Variants in LAMC3 observed in about 807,000 individuals in gnomAD.
LAMC3 encodes the protein laminin subunit gamma-3.
LAMC3 carries 128 observed loss-of-function variants against 173.8 expected under a neutral mutation model. The ratio of observed to expected loss-of-function variants is 0.74; its 90% CI spans 0.64 to 0.85. LAMC3 has a LOEUF of 0.85. Among genes scored for constraint, LAMC3 ranks in the 40% least tolerant of loss-of-function variants. The pLI, the probability that LAMC3 is intolerant of heterozygous loss-of-function variation, is 0.00. For synonymous variants in LAMC3, 897 were observed against 909.1 expected (o/e 0.99, Z 0.24); for missense variants, 2,022 against 2,156.0 (o/e 0.94, Z 1.23).
chr9:131,043,362 G>C (rs567776028), intron 7 of LAMC3, among the ~76,000 whole-genome samples: 3 of 152,312 alleles, frequency 2.0e-5, no homozygotes, highest in Non-Finnish European at 2.9e-5. Context: ...AGAGCTGCTT[G>C]GAGAAGTGGC....
At chr9:131,047,294 A>T (rs923240510) in intron 8 of LAMC3, among the ~76,000 whole-genome samples, 21 of 144,600 alleles carry the variant, frequency 1.5e-4, no homozygotes, top group African/African-American at 4.9e-4. Context: ...CCTCCTGTGT[A>T]GCTGGGACTG....
intron 17 of LAMC3, among the ~76,000 whole-genome samples, chr9:131,070,580 G>A (rs552659684): frequency 7.9e-5 from 12 of 152,044 alleles, no homozygotes; most frequent in African/African-American, 2.4e-4. Flanking sequence ...GTGGGGTGGC[G>A]CGCACCTGTA....
At position 131,091,536 on chromosome 9, in the gene LAMC3, G is replaced by C; in HGVS notation, c.4478-1G>C. On this transcript the variant is annotated splice_acceptor_variant, in intron 27 of 27. Transcript: ENST00000361069. LOFTEE classifies it high-confidence loss of function. ...GTGAGGCTGTTTGTGCCCCACCACA[G>C]GGTCGCTGGACACCCATCAAGCCCC... 1 of 1,577,852 alleles carries C rather than the reference G, an allele frequency of 6.3e-7. No individual in the cohort carries two copies. Among genetic ancestry groups the C allele is most frequent in the Non-Finnish European group, 8.6e-7 (1 of 1,162,768 alleles).
intron 1 of LAMC3, chr9:131,021,067 T>C (rs1175318904): frequency 1.3e-5 from 2 of 152,228 alleles, no homozygotes; most frequent in African/African-American, 4.8e-5. Flanking sequence ...CCAACACTTC[T>C]CGTGTAAACT....
In LAMC3 at chr9:131,033,358, A is replaced by G. The variant is rs573303082; in HGVS notation, c.809+1183A>G. ...GATCAGATTGCTCCCCAGTGAACAC[A>G]TCAGCCCGCTCCAGGATGACAAGGA... On this transcript the variant is annotated intron_variant, in intron 3 of 27. Coordinates refer to ENST00000361069, the MANE Select transcript of LAMC3 (RefSeq NM_006059.4). Among the ~76,000 whole-genome samples the G allele has an allele frequency of 2.9e-3, 448 of 152,310 alleles. 2 individuals carry two copies. The highest frequency in any genetic ancestry group is 5.5e-3 in the Non-Finnish European group (373 of 68,016).
intron 3 of LAMC3, among the ~76,000 whole-genome samples, chr9:131,032,560 C>CTCTCTCTTGCTCTCTCTCGCTT (rs1833853011): frequency 7.6e-6 from 1 of 132,140 alleles, no homozygotes; most frequent in Non-Finnish European, 1.5e-5. Flanking sequence ...CTCTCTCGCT[C>CTCTCTCTTGCTCTCTCTCGCTT]TCTCTCTTGC....
At chr9:131,015,802 C>T (rs1305223714) in intron 1 of LAMC3, among the ~76,000 whole-genome samples, 2 of 152,168 alleles carry the variant, frequency 1.3e-5, no homozygotes, top group Non-Finnish European at 2.9e-5. Context: ...ATTACAGGTT[C>T]CTGCCACCAC....
intron 1 of LAMC3, among the ~76,000 whole-genome samples, chr9:131,025,145 G>A (rs1036764333): frequency 2.0e-5 from 3 of 152,096 alleles, no homozygotes; most frequent in East Asian, 3.8e-4. Flanking sequence ...CAGTTCTCCC[G>A]CGCCCGCACC....
At chr9:131,083,593 G>A (rs1830278522) in intron 24 of LAMC3, among the ~76,000 whole-genome samples, 1 of 152,138 alleles carries the variant, frequency 6.6e-6, no homozygotes, top group South Asian at 2.1e-4. Context: ...GTCTTACAGA[G>A]AACGCTTGAG....
chr9:131,052,582 G>A lies in LAMC3; in HGVS notation c.1722G>A (p.Gln574=). Residue 574 remains glutamine, a synonymous_variant, in exon 10 of 28, where the codon CAG becomes CAA. Transcript: ENST00000361069. ...VPPGDSPLPV[Q]LRLEGTGLAL... is the part of the protein sequence containing the mutation. ...CCGGGGACTCCCCACTCCCTGTACA[G>A]CTGAGGCTGGAAGGGACAGGCTTGG... The A allele has an allele frequency of 6.2e-7, 1 of 1,614,042 alleles. No individual in the cohort carries two copies. The highest frequency in any genetic ancestry group is 8.5e-7 in the Non-Finnish European group (1 of 1,179,910).
chr9:131,089,525 G>A (rs1023899436), intron 27 of LAMC3, among the ~76,000 whole-genome samples: 3 of 147,562 alleles, frequency 2.0e-5, no homozygotes, highest in African/African-American at 7.6e-5. Flanking sequence ...CCACAGGCAC[G>A]CACCACCACA....
At chr9:131,046,294 C>A (rs1426050923) in intron 8 of LAMC3, among the ~76,000 whole-genome samples, 1 of 148,304 alleles carries the variant, frequency 6.7e-6, no homozygotes, top group African/African-American at 2.5e-5. Context: ...CACCACCTCC[C>A]TGGGCTCACG....
chr9:131,071,397 G>T lies in LAMC3; in HGVS notation c.3070-87G>T, dbSNP rs1020139879. The T allele has an allele frequency of 7.4e-6, 11 of 1,488,378 alleles. No individual in the cohort carries two copies. The Admixed American group carries it at 1.9e-4, about 25-fold the overall frequency. The allele number at this position is 1,488,378 out of a possible 1,614,324, so 92.2% of individuals were successfully genotyped here. A position where few individuals can be genotyped will look rare whatever the true frequency, so the allele number is the denominator to read the frequency against. ...ATTTGGAGAAGGGAACCCCCAGGGA[G>T]AGTGGCAGGGTAGAAGCCAGCGGGA... On this transcript the variant is annotated intron_variant, in intron 17 of 27. Transcript: ENST00000361069.
chr9:131,015,177 G>T (rs1833497787), intron 1 of LAMC3, among the ~76,000 whole-genome samples: 1 of 152,236 alleles, frequency 6.6e-6, no homozygotes, highest in Non-Finnish European at 1.5e-5. Context: ...GCCAGGAATT[G>T]GTGGGGCTGG....
intron 13 of LAMC3, among the ~76,000 whole-genome samples, chr9:131,062,309 C>A (rs1232961910): frequency 1.3e-5 from 2 of 151,886 alleles, no homozygotes; most frequent in Non-Finnish European, 2.9e-5. Flanking sequence ...TGCAGTGAGC[C>A]AAGATCGCGC....
chr9:131,054,492 G>A (rs113733288), intron 11 of LAMC3, among the ~76,000 whole-genome samples: 1,684 of 152,256 alleles, frequency 0.011, 34 homozygotes, highest in African/African-American at 0.039. Context: ...GGTGGCTCAC[G>A]CCTGTAATCC....
intron 9 of LAMC3, among the ~76,000 whole-genome samples, chr9:131,049,358 CGCCT>C (rs1043759958): frequency 1.3e-5 from 2 of 152,148 alleles, no homozygotes; most frequent in Non-Finnish European, 2.9e-5. Flanking sequence ...CTCTAGAAGC[CGCCT>C]GCATTCCTGG....
In LAMC3 at chr9:131,094,147, T is replaced by C. The variant is rs1252500339; in HGVS notation, c.*2360T>C. 3 of 152,110 alleles carry C rather than the reference T, an allele frequency of 2.0e-5. No individual in the cohort carries two copies. The highest frequency in any genetic ancestry group is 2.0e-4 in the Admixed American group (3 of 15,256). The allele number at this position is 152,110 out of a possible 1,614,324, so 9.4% of individuals were successfully genotyped here. A position where few individuals can be genotyped will look rare whatever the true frequency, so the allele number is the denominator to read the frequency against. On this transcript the variant is annotated 3_prime_UTR_variant, in exon 28 of 28. Transcript: ENST00000361069. The stretch of plus-strand genomic sequence containing the variant: ...TCTCTTTGCAGAGTGGCTTTCTTTG[T>C]TTTTCTTGTGCCTGATAGGAGAGGA...
Position 131,032,258 on chromosome 9 carries a change from TG to T in LAMC3, c.809+90del, listed in dbSNP as rs149260930. ...AAGGTGGCTGCTGTGGGGTGGGGGG[TG>T]GGGGGGCACAGAAGCCAGGTGTGCC... On this transcript the variant is annotated intron_variant, in intron 3 of 27. Transcript: ENST00000361069. The T allele has an allele frequency of 0.29, 54,826 of 191,404 alleles. 3,792 individuals are homozygous for T. Among genetic ancestry groups the T allele is most frequent in the African/African-American group, 0.45 (11,013 of 24,208 alleles). 11.9% of individuals were successfully genotyped at this position (191,404 alleles called of 1,614,324 possible). A position where few individuals can be genotyped will look rare whatever the true frequency, so the allele number is the denominator to read the frequency against.
Sources: allele counts gnomAD v4.1 joint callset (sites outside exome capture counted in the v4.1 genomes callset), GRCh38; gene constraint gnomAD v4.1.1; transcripts MANE v1.5; gene names NCBI Gene and HGNC (gene_info 2026-07-23, HGNC 2026-07-21).